EIF3B: variants seen among roughly 807,000 people sequenced by gnomAD.
EIF3B encodes eukaryotic translation initiation factor 3 subunit B, also known as eukaryotic translation initiation factor 3 subunit 9.
A neutral mutation model predicts 104.6 loss-of-function variants in EIF3B; 10 were observed. That is an observed-to-expected ratio of 0.10 (90% CI 0.06 to 0.16). EIF3B has a LOEUF of 0.16. Among genes scored for constraint, EIF3B ranks in the 10% least tolerant of loss-of-function variants. The probability of loss-of-function intolerance (pLI) is 1.00; values close to 1 mark genes in which losing one functional copy is unlikely to be tolerated. For synonymous variants in EIF3B, 542 were observed against 417.2 expected, an observed-to-expected ratio of 1.30 and a Z score of -3.65; for missense variants, 1,014 against 1,087.9, an observed-to-expected ratio of 0.93 and a Z score of 0.96.
chr7:2,380,745 A>C lies in EIF3B; in HGVS notation c.*556A>C. ...AAATAAAAGCAAACTTGTATGAAAA[A>C]CCGGTCTTTCTCCTCTCTTTGAATG... On this transcript the variant is annotated 3_prime_UTR_variant, in exon 19 of 19. Transcript: ENST00000360876. 1 of 185,356 alleles carries C rather than the reference A, an allele frequency of 5.4e-6. No individual in the cohort carries two copies. Among genetic ancestry groups the C allele is most frequent in the Non-Finnish European group, 1.1e-5 (1 of 87,338 alleles). 11.5% of individuals were successfully genotyped at this position (185,356 alleles called of 1,614,324 possible).
chr7:2,380,390 T>C lies in EIF3B; in HGVS notation c.*201T>C. 1 of 518,770 alleles carries C rather than the reference T, an allele frequency of 1.9e-6. No homozygotes were observed. Among genetic ancestry groups the C allele is most frequent in the East Asian group, 5.4e-5 (1 of 18,350 alleles). 32.1% of individuals were successfully genotyped at this position (518,770 alleles called of 1,614,324 possible). ...TGTGACTGCGCCTGGATTCTGCCATTGCGACACATTTTTGTGCCTTTCAGC... is the reference window on the plus strand; with the variant it reads ...TGTGACTGCGCCTGGATTCTGCCATCGCGACACATTTTTGTGCCTTTCAGC... On this transcript the variant is annotated 3_prime_UTR_variant, in exon 19 of 19. Transcript: ENST00000360876.
At chr7:2,371,133 GC>G (rs1780313750) in intron 10 of EIF3B, among the ~76,000 whole-genome samples, 2 of 152,182 alleles carry the variant, frequency 1.3e-5, no homozygotes, top group Admixed American at 6.5e-5. Context: ...CAGCCTCTCC[GC>G]CCAGCTCCTG....
chr7:2,356,244 G>A (rs1779428186), intron 1 of EIF3B, among the ~76,000 whole-genome samples: 1 of 152,130 alleles, frequency 6.6e-6, no homozygotes, highest in Non-Finnish European at 1.5e-5. Context: ...CCTTGCTGAT[G>A]TAGCCAGCGA....
intron 10 of EIF3B, 82 bp downstream of exon 10, chr7:2,369,764 G>GTTT: frequency 3.9e-6 from 2 of 515,090 alleles, no homozygotes; most frequent in Non-Finnish European, 3.1e-6. Context: ...GGTGTTAATG[G>GTTT]ATTTTTTTTT....
In EIF3B at chr7:2,355,007, C is replaced by A; in HGVS notation, c.86C>A (p.Pro29Gln). ...PGQQQPAAEP[P>Q]PAEGLLRPAG... ...CAGCAGCAGCCGGCCGCCGAGCCGC[C>A]GCCAGCCGAGGGGCTGCTGCGGCCC... The change falls in exon 1 of 19, where the codon CCG (proline) becomes CAG (glutamine). Residue 29 changes from proline (P) to glutamine (Q), a missense_variant. Transcript: ENST00000360876. The A allele has an allele frequency of 8.5e-7, 1 of 1,183,200 alleles. No individual in the cohort carries two copies. Among genetic ancestry groups the A allele is most frequent in the South Asian group, 3.9e-5 (1 of 25,558 alleles). The allele number at this position is 1,183,200 out of a possible 1,614,324, so 73.3% of individuals were successfully genotyped here.
At position 2,366,542 on chromosome 7, in the gene EIF3B, A is replaced by G. The variant is rs1780037027; in HGVS notation, c.1307A>G (p.Lys436Arg). Residue 436 changes from lysine to arginine, a missense_variant, in exon 8 of 19, where the codon AAA becomes AGA. By Grantham distance (26) the Lys-to-Arg change is conservative (BLOSUM62 2). Coordinates refer to ENST00000360876, the MANE Select transcript of EIF3B (RefSeq NM_001037283.2). The part of the protein sequence containing the change: ...WPIFKWSHDG[K>R]FFARMTLDTL... ...TTTCTTAGGTGGAGCCATGATGGCA[A>G]ATTCTTTGCCAGAATGACCCTGGAT... The G allele has an allele frequency of 1.9e-6, 3 of 1,614,090 alleles. No individual in the cohort carries two copies. Among genetic ancestry groups the G allele is most frequent in the Admixed American group, 1.7e-5 (1 of 60,002 alleles).
chr7:2,366,217 G>C (rs1278479364), intron 6 of EIF3B, 100 bp from the exon 7 acceptor site: 1 of 1,323,296 alleles, frequency 7.6e-7, no homozygotes, highest in Non-Finnish European at 1.0e-6. Context: ...TGGGGAGAGA[G>C]CTGGTTCCGC....
At chr7:2,362,990 C>T in intron 3 of EIF3B, 80 bp from the exon 4 acceptor site, 1 of 1,548,058 alleles carries the variant, frequency 6.5e-7, no homozygotes. Flanking sequence ...AGGAGCACAG[C>T]AGGGCCATGC....
chr7:2,367,824 A>AT (rs1562484073), intron 9 of EIF3B, among the ~76,000 whole-genome samples: 147 of 101,718 alleles, frequency 1.4e-3, no homozygotes, highest in African/African-American at 5.5e-3. Flanking sequence ...CTTTTTTTAA[A>AT]ATTTTTTTTT....
intron 14 of EIF3B, 22 bp downstream of exon 14, chr7:2,375,549 T>G (rs778750473): frequency 3.1e-6 from 5 of 1,613,724 alleles, no homozygotes; most frequent in Non-Finnish European, 4.2e-6. Flanking sequence ...TGGGGCATAG[T>G]TTTGACTGTG....
intron 1 of EIF3B, among the ~76,000 whole-genome samples, chr7:2,357,024 T>C (rs1474849478): frequency 2.0e-5 from 3 of 152,126 alleles, no homozygotes; most frequent in African/African-American, 7.2e-5. Flanking sequence ...CCCACCAGAC[T>C]CTCCTGCTCA....
chr7:2,355,959 C>T lies in EIF3B; in HGVS notation c.499+539C>T, dbSNP rs183247970. 1.9e-3 allele frequency among the ~76,000 whole-genome samples: 291 copies of T among 152,224 alleles called. 2 individuals are homozygous for T. The highest frequency in any genetic ancestry group is 3.4e-3 in the Admixed American group (52 of 15,284). ...CCTGTGAAATTCCAGTTTGATTTTTCTTTATCTCTTGCGCTAAATCTATAA... is the reference window on the plus strand; with the variant it reads ...CCTGTGAAATTCCAGTTTGATTTTTTTTTATCTCTTGCGCTAAATCTATAA... On this transcript the variant is annotated intron_variant, in intron 1 of 18. Transcript: ENST00000360876.
intron 2 of EIF3B, among the ~76,000 whole-genome samples, chr7:2,361,377 C>T (rs916107329): frequency 3.3e-5 from 5 of 152,076 alleles, no homozygotes; most frequent in African/African-American, 1.2e-4. Flanking sequence ...GCCTCTTGAC[C>T]CTCAGTTACT....
In EIF3B at chr7:2,355,160, C is replaced by G; in HGVS notation, c.239C>G (p.Pro80Arg). 1 of 1,451,496 alleles carries G rather than the reference C, an allele frequency of 6.9e-7. No homozygotes were observed. The highest frequency in any genetic ancestry group is 9.0e-7 in the Non-Finnish European group (1 of 1,111,854). 89.9% of individuals were successfully genotyped at this position (1,451,496 alleles called of 1,614,324 possible). The change falls in exon 1 of 19, where the codon CCG (proline) becomes CGG (arginine). Residue 80 changes from proline (P) to arginine (R), a missense_variant. Physicochemically the swap from Pro to Arg is moderately radical, Grantham distance 103 (BLOSUM62 -2). Transcript: ENST00000360876. Reference protein sequence around the residue: ...PAAEAEAASGPSESPSPPAAE... With the variant: ...PAAEAEAASGRSESPSPPAAE... The stretch of plus-strand genomic sequence containing the variant: ...GCCGAGGCAGAGGCGGCCTCCGGCC[C>G]GTCCGAGTCGCCCTCGCCGCCGGCC...
chr7:2,374,278 A>C (rs757705678), intron 12 of EIF3B: 16 of 389,562 alleles, frequency 4.1e-5, no homozygotes, highest in Non-Finnish European at 7.1e-5. Flanking sequence ...TTGTCCAGTT[A>C]CCTCAGGAAA....
intron 12 of EIF3B, chr7:2,374,269 T>C (rs565231227): frequency 1.9e-5 from 7 of 374,426 alleles, no homozygotes; most frequent in South Asian, 1.5e-4. Context: ...GGGAATTCTT[T>C]GTCCAGTTAC....
intron 4 of EIF3B, 96 bp downstream of exon 4, chr7:2,363,223 T>A: frequency 7.9e-7 from 1 of 1,270,540 alleles, no homozygotes; most frequent in African/African-American, 1.5e-5. Flanking sequence ...GAGGCTGAGG[T>A]GGGAGGATCG....
intron 13 of EIF3B, 85 bp downstream of exon 13, chr7:2,374,691 C>T: frequency 7.9e-7 from 1 of 1,269,290 alleles, no homozygotes; most frequent in Non-Finnish European, 1.1e-6. Context: ...CACCCGGCTT[C>T]TTGGTAGAGA....
intron 12 of EIF3B, chr7:2,373,619 G>A (rs1025760768): frequency 2.0e-5 from 3 of 152,242 alleles, no homozygotes; most frequent in Non-Finnish European, 4.4e-5. Flanking sequence ...AGTTGGCAGT[G>A]GATTACAAGA....
Sources: allele counts gnomAD v4.1 joint callset (sites outside exome capture counted in the v4.1 genomes callset), GRCh38; gene constraint gnomAD v4.1.1; transcripts MANE v1.5; gene names NCBI Gene and HGNC (gene_info 2026-07-23, HGNC 2026-07-21).